Variants in LPA observed in about 807,000 individuals in gnomAD.
LPA encodes the protein lipoprotein(a).
Under a neutral mutation model 197.9 loss-of-function variants are expected in LPA, and 199 were observed. The observed-to-expected ratio is 1.01, with a 90% CI of 0.90 to 1.13. The LOEUF (loss-of-function observed/expected upper bound fraction) is 1.13. Among genes scored for constraint, LPA ranks in the 50% most tolerant of loss-of-function variants. The pLI is 0.00. For missense variants in LPA, 1,853 were observed against 1,785.8 expected (o/e 1.04, Z -0.68); for synonymous variants, 715 against 639.5 (o/e 1.12, Z -1.78).
At chr6:160,601,379 A>G (rs1430812398) in intron 18 of LPA, among the ~76,000 whole-genome samples, 1 of 152,214 alleles carries the variant, frequency 6.6e-6, no homozygotes, top group Non-Finnish European at 1.5e-5. Context: ...AGGGATCAGA[A>G]TATCCTCCTT....
chr6:160,572,932 T>C (rs955795899), intron 28 of LPA, among the ~76,000 whole-genome samples: 3 of 152,232 alleles, frequency 2.0e-5, no homozygotes, highest in African/African-American at 7.2e-5. Flanking sequence ...TTTGTGCTGC[T>C]TGTATTTACA....
rs188365168 is a variant in LPA at position 160,592,821 on chromosome 6, T to C, written c.3629+1137A>G. 5.3e-5 allele frequency among the ~76,000 whole-genome samples: 8 copies of C among 152,266 alleles called. No individual in the cohort carries two copies. The East Asian group carries it at 1.2e-3, about 22-fold the overall frequency. On this transcript the variant is annotated intron_variant, in intron 22 of 38. Coordinates refer to ENST00000316300, the MANE Select transcript of LPA (RefSeq NM_005577.4). ...AAGATCCTACTCCCAAATTATGGCTTTCTTTGACCTCTACTGAATGCCCAA... is the reference window on the plus strand; with the variant it reads ...AAGATCCTACTCCCAAATTATGGCTCTCTTTGACCTCTACTGAATGCCCAA...
chr6:160,537,047 T>C (rs927409594), intron 37 of LPA, among the ~76,000 whole-genome samples: 2 of 152,112 alleles, frequency 1.3e-5, no homozygotes, highest in African/African-American at 4.8e-5. Flanking sequence ...TCAGAACAGT[T>C]TTCCAGGGCC....
intron 17 of LPA, among the ~76,000 whole-genome samples, chr6:160,605,841 T>C (rs1779337850): frequency 6.6e-6 from 1 of 152,046 alleles, no homozygotes; most frequent in African/African-American, 2.4e-5. Flanking sequence ...GTTGCAATAA[T>C]ACAGAAGTCT....
chr6:160,577,170 A>T lies in LPA; in HGVS notation c.4597T>A (p.Trp1533Arg). ...CQSWSSMIPH[W>R]HQRTPENYPN... Reference sequence around the variant, plus strand: ...TAGTTTTCTGGGGTCCTCTGATGCCAGTGTGGTATCATAGATGACCAAGAT... The same window carrying T: ...TAGTTTTCTGGGGTCCTCTGATGCCTGTGTGGTATCATAGATGACCAAGAT... Residue 1533 changes from tryptophan (W) to arginine (R), a missense_variant, in exon 28 of 39, where the codon TGG becomes AGG. Physicochemically the swap from Trp to Arg is moderately radical, Grantham distance 101. Around this residue, in one of 3 missense-constraint regions of LPA, gnomAD observed 1,737 missense variants for 1,504.4 expected, o/e 1.15. Transcript: ENST00000316300. 1.2e-6 allele frequency: 2 copies of T among 1,613,924 alleles called. No individual in the cohort carries two copies. The highest frequency in any genetic ancestry group is 1.7e-5 in the Admixed American group (1 of 60,016).
At chr6:160,578,088 T>C (rs999885427) in intron 27 of LPA, among the ~76,000 whole-genome samples, 6 of 152,092 alleles carry the variant, frequency 3.9e-5, no homozygotes, top group Non-Finnish European at 8.8e-5. Flanking sequence ...TCTCCTTAGG[T>C]TTCTCTAGGA....
rs1778128051 is a variant in LPA, at chr6:160,549,090, C to G, written c.4974-431G>C. Among the ~76,000 whole-genome samples the G allele has an allele frequency of 2.0e-5, 3 of 152,238 alleles. No homozygotes were observed. The South Asian group carries it at 6.2e-4, about 32-fold the overall frequency. ...AGAGTAAGTGCAAGTAGGGGAAATG[C>G]CAGACACTTACAAAACCATCAGATC... On this transcript the variant is annotated intron_variant, in intron 30 of 38. Coordinates refer to ENST00000316300, the MANE Select transcript of LPA (RefSeq NM_005577.4).
intron 16 of LPA, 110 bp downstream of exon 16, chr6:160,611,452 A>G: frequency 6.5e-7 from 1 of 1,536,266 alleles, no homozygotes; most frequent in East Asian, 2.2e-5. Context: ...TTGCTACACC[A>G]TCTGAATCTG....
At chr6:160,610,005 G>T (rs1400377238) in intron 16 of LPA, among the ~76,000 whole-genome samples, 4 of 151,944 alleles carry the variant, frequency 2.6e-5, no homozygotes, top group Non-Finnish European at 5.9e-5. Flanking sequence ...CTATTAATTT[G>T]TCTTGATATG....
intron 35 of LPA, 98 bp downstream of exon 35, chr6:160,541,008 GA>G: frequency 1.0e-6 from 1 of 975,374 alleles, no homozygotes; most frequent in Non-Finnish European, 1.6e-6. Flanking sequence ...AGGTGGGGAG[GA>G]AGGAAGGGGA....
chr6:160,566,439 G>A (rs1778456082), intron 28 of LPA, among the ~76,000 whole-genome samples: 1 of 152,240 alleles, frequency 6.6e-6, no homozygotes. Flanking sequence ...ACAAGCAAAT[G>A]CTGAGAGATT....
At chr6:160,594,403 A>G (rs1294000629) in intron 21 of LPA, among the ~76,000 whole-genome samples, 1 of 152,180 alleles carries the variant, frequency 6.6e-6, no homozygotes, top group East Asian at 1.9e-4. Context: ...TAATATAGAC[A>G]TCTTCTGGGT....
At chr6:160,576,263 A>ACAC (rs983936973) in intron 28 of LPA, among the ~76,000 whole-genome samples, 3 of 148,224 alleles carry the variant, frequency 2.0e-5, no homozygotes, top group African/African-American at 7.4e-5. Flanking sequence ...AGTCCTGGCA[A>ACAC]CACATGTCCT....
intron 34 of LPA, among the ~76,000 whole-genome samples, chr6:160,542,486 A>G (rs1777996224): frequency 6.6e-6 from 1 of 152,222 alleles, no homozygotes; most frequent in Non-Finnish European, 1.5e-5. Context: ...AGATCAAGAA[A>G]AAGATTTGTA....
chr6:160,620,926 G>C (rs1779611622), intron 12 of LPA, among the ~76,000 whole-genome samples: 2 of 68,940 alleles, frequency 2.9e-5, no homozygotes, highest in Admixed American at 1.3e-4. Flanking sequence ...GTGTGTGTGT[G>C]TGTGTAGCTC....
intron 24 of LPA, among the ~76,000 whole-genome samples, chr6:160,589,324 T>G (rs1409230927): frequency 6.6e-6 from 1 of 152,200 alleles, no homozygotes; most frequent in Non-Finnish European, 1.5e-5. Context: ...TCATGAGACC[T>G]CACCACCTCC....
chr6:160,659,847 C>T (rs1032858567), intron 1 of LPA, among the ~76,000 whole-genome samples: 1 of 152,176 alleles, frequency 6.6e-6, no homozygotes, highest in Admixed American at 6.5e-5. Context: ...TGAAGCTCCT[C>T]GCTCCCTCCT....
chr6:160,654,989 G>A (rs1469815626), intron 1 of LPA, among the ~76,000 whole-genome samples: 1 of 152,128 alleles, frequency 6.6e-6, no homozygotes, highest in Admixed American at 6.5e-5. Flanking sequence ...GGCATGAGTG[G>A]AGAACATGGG....
At chr6:160,607,859 C>G (rs767763540) in intron 16 of LPA, among the ~76,000 whole-genome samples, 1 of 152,092 alleles carries the variant, frequency 6.6e-6, no homozygotes, top group Non-Finnish European at 1.5e-5. Context: ...TCTTATTATA[C>G]AATATACCTC....
Sources: gnomAD v4.1 joint callset for allele counts (sites outside exome capture counted in the v4.1 genomes callset) on GRCh38, gnomAD v4.1.1 for gene constraint, gnomAD v4.1.1 regional missense constraint, MANE v1.5 for transcripts, NCBI Gene and HGNC (gene_info 2026-07-23, HGNC 2026-07-21) for gene names.